SELENOW: variants seen among roughly 807,000 people sequenced by gnomAD.
The protein encoded by SELENOW is selenoprotein W, also known as selenoprotein W, 1.
Under a neutral mutation model 16.6 loss-of-function variants are expected in SELENOW, and 20 were observed. The observed-to-expected ratio is 1.21, with a 90% CI of 0.85 to 1.76. The LOEUF is 1.76. Among genes scored for constraint, SELENOW ranks in the 40% most tolerant of loss-of-function variants. The probability of loss-of-function intolerance (pLI) is 0.00; values close to 1 mark genes in which losing one functional copy is unlikely to be tolerated. For missense variants in SELENOW, 124 were observed against 111.0 expected, an observed-to-expected ratio of 1.12 and a Z score of -0.53; for synonymous variants, 44 against 46.2, an observed-to-expected ratio of 0.95 and a Z score of 0.19.
At position 47,778,730 on chromosome 19, in the gene SELENOW, G is replaced by C. The variant is rs776514455; in HGVS notation, c.-56G>C. 7 of 1,573,730 alleles carry C rather than the reference G, an allele frequency of 4.4e-6. No homozygotes were observed. Among genetic ancestry groups the C allele is most frequent in the Non-Finnish European group, 4.3e-6 (5 of 1,159,840 alleles). ...TCGCGCAGACCTAGCGCGTCCAGGT[G>C]GGAGGTTAGTGTGGCCCGGGCGTCC... is the stretch of plus-strand genomic sequence containing the variant. On this transcript the variant is annotated 5_prime_UTR_variant, in exon 1 of 6. Coordinates refer to ENST00000601048, the MANE Select transcript of SELENOW (RefSeq NM_003009.4).
chr19:47,780,615 C>T (rs912921209), intron 1 of SELENOW, 110 bp from the exon 2 acceptor site: 4 of 854,234 alleles, frequency 4.7e-6, no homozygotes, highest in Non-Finnish European at 7.7e-6. Flanking sequence ...TTATTTCTTC[C>T]TGGCCCCATC....
intron 2 of SELENOW, 34 bp from the exon 3 acceptor site, chr19:47,780,830 T>A: frequency 1.2e-6 from 2 of 1,609,698 alleles, no homozygotes; most frequent in Non-Finnish European, 1.7e-6. Flanking sequence ...CTGACTGGTA[T>A]GACCCCTGCT....
Position 47,781,281 on chromosome 19 carries a change from C to T in SELENOW, c.184-9C>T, listed in dbSNP as rs997560702. ...CAGCTCACCCCTTCCCTCTTCCTCC[C>T]CTCCCTAGAAAGGCGATGGCTACGT... On this transcript the variant is annotated splice_polypyrimidine_tract_variant and intron_variant, in intron 4 of 5. Coordinates refer to ENST00000601048, the MANE Select transcript of SELENOW (RefSeq NM_003009.4). The T allele has an allele frequency of 6.2e-7, 1 of 1,612,480 alleles. No homozygotes were observed.
intron 5 of SELENOW, 159 bp downstream of exon 5, chr19:47,781,547 A>G: frequency 1.6e-6 from 1 of 613,100 alleles, no homozygotes; most frequent in Non-Finnish European, 2.9e-6. Flanking sequence ...GGTGGAGGAC[A>G]ACAACTGAGA....
intron 5 of SELENOW, chr19:47,783,345 C>T (rs949573392): frequency 2.9e-4 from 44 of 152,202 alleles, no homozygotes; most frequent in African/African-American, 1.0e-3. Flanking sequence ...GGACTACAAG[C>T]GCCTGCCACC....
At chr19:47,779,425 C>G (rs1428124835) in intron 1 of SELENOW, 1 of 152,892 alleles carries the variant, frequency 6.5e-6, no homozygotes, top group African/African-American at 2.4e-5. Flanking sequence ...CTCTCCACTC[C>G]CCAGCACCTA....
chr19:47,778,867 C>T (rs1386203077), intron 1 of SELENOW, 53 bp downstream of exon 1: 5 of 1,560,912 alleles, frequency 3.2e-6, no homozygotes, highest in East Asian at 2.3e-5. Context: ...GGACCCGATT[C>T]TCGGAGCCGG....
chr19:47,779,135 A>C (rs1408025693), intron 1 of SELENOW: 1 of 384,732 alleles, frequency 2.6e-6, no homozygotes, highest in Non-Finnish European at 4.7e-6. Flanking sequence ...AAGGGACCTA[A>C]GGCTCCTCCA....
chr19:47,778,921 G>A, intron 1 of SELENOW, 107 bp downstream of exon 1: 1 of 1,120,490 alleles, frequency 8.9e-7, no homozygotes, highest in South Asian at 1.5e-5. Context: ...GCCCTTGTAT[G>A]GGAAAAGGGA....
At chr19:47,780,522 T>TG (rs1967461154) in intron 1 of SELENOW, 1 of 604,122 alleles carries the variant, frequency 1.7e-6, no homozygotes, top group Non-Finnish European at 3.0e-6. Context: ...CTGTGCTGTG[T>TG]CCCAAAACTC....
chr19:47,783,642 C>T (rs578044777), intron 5 of SELENOW: 3 of 152,262 alleles, frequency 2.0e-5, no homozygotes, highest in Admixed American at 2.0e-4. Context: ...TTTTCAAATG[C>T]GTTAAACTCA....
chr19:47,780,015 T>C (rs571877283), intron 1 of SELENOW: 253 of 373,598 alleles, frequency 6.8e-4, no homozygotes, highest in African/African-American at 2.1e-3. Context: ...TTGAGACGCC[T>C]ACCAGGCCTG....
intron 2 of SELENOW, 26 bp downstream of exon 2, chr19:47,780,775 C>T (rs372614680): frequency 1.1e-5 from 16 of 1,481,056 alleles, no homozygotes; most frequent in African/African-American, 1.4e-5. Flanking sequence ...GCCCGGGGGG[C>T]ATTCCTGGGA....
chr19:47,781,371 T>C lies in SELENOW; in HGVS notation c.*1T>C, dbSNP rs774933416. ...CAAAGCCGCCTTGGCTCAGGGCTAA[T>C]GCGCCCTGAAGGCAGAGGTGAGGGG... On this transcript the variant is annotated 3_prime_UTR_variant, in exon 5 of 6. Coordinates refer to ENST00000601048, the MANE Select transcript of SELENOW (RefSeq NM_003009.4). 2.5e-6 allele frequency: 4 copies of C among 1,585,504 alleles called. No individual in the cohort carries two copies. Among genetic ancestry groups the C allele is most frequent in the Admixed American group, 1.8e-5 (1 of 54,808 alleles).
intron 5 of SELENOW, chr19:47,782,333 A>G (rs1405397477): frequency 1.3e-5 from 2 of 152,140 alleles, no homozygotes; most frequent in African/African-American, 4.8e-5. Flanking sequence ...TCTAGAATGG[A>G]TTGTCTGCTC....
chr19:47,781,476 G>A (rs1967476110), intron 5 of SELENOW, 88 bp downstream of exon 5: 3 of 737,720 alleles, frequency 4.1e-6, no homozygotes, highest in Non-Finnish European at 7.0e-6. Flanking sequence ...TGGAGAGCCT[G>A]GGAGATGGGG....
chr19:47,780,654 A>T, intron 1 of SELENOW, 71 bp from the exon 2 acceptor site: 1 of 1,357,704 alleles, frequency 7.4e-7, no homozygotes, highest in Non-Finnish European at 1.0e-6. Flanking sequence ...GCCTGTGTCT[A>T]CCCTCCTCTC....
intron 1 of SELENOW, chr19:47,780,385 T>TC: frequency 2.4e-6 from 1 of 423,778 alleles, no homozygotes; most frequent in Non-Finnish European, 4.4e-6. Context: ...CTCCTGGTTT[T>TC]CCCCCGTCCC....
chr19:47,783,693 T>A (rs1388193308), intron 5 of SELENOW: 1 of 152,160 alleles, frequency 6.6e-6, no homozygotes, highest in Admixed American at 6.6e-5. Flanking sequence ...CAGAATGAGG[T>A]CATGTTCAAT....
Sources: allele counts gnomAD v4.1 joint callset, GRCh38; gene constraint gnomAD v4.1.1; transcripts MANE v1.5; gene names NCBI Gene and HGNC (gene_info 2026-07-23, HGNC 2026-07-21).